The following PDZD2 variants were observed in gnomAD, a reference collection of about 807,000 sequenced individuals.
The protein encoded by PDZD2 is PDZ domain containing 2.
Under a neutral mutation model 220.7 loss-of-function variants are expected in PDZD2, and 90 were observed. That is an observed-to-expected ratio of 0.41 (90% CI 0.34 to 0.49). PDZD2 has a LOEUF of 0.49. Ranked by LOEUF, PDZD2 falls within the 20% of genes least tolerant of loss-of-function variation. The pLI is 0.28. For synonymous variants in PDZD2, 1,375 were observed against 1,450.5 expected, an observed-to-expected ratio of 0.95 and a Z score of 1.18; for missense variants, 3,174 against 3,608.5, an observed-to-expected ratio of 0.88 and a Z score of 3.08.
chr5:32,107,848 TTC>T (rs1482277845), intron 24 of PDZD2, 119 bp from the exon 25 acceptor site: 2 of 561,420 alleles, frequency 3.6e-6, no homozygotes, highest in Non-Finnish European at 6.0e-6. Flanking sequence ...TAAGAAATAT[TTC>T]TCTATTCAAT....
In PDZD2 at chr5:31,731,434, C is replaced by A. The variant is rs199545690; in HGVS notation, c.-360-67455C>A. Among the ~76,000 whole-genome samples the A allele has an allele frequency of 1.5e-4, 23 of 152,280 alleles. No individual in the cohort carries two copies. In the East Asian group the frequency reaches 2.7e-3, roughly 18 times the overall value. Reference sequence around the variant, plus strand: ...CTGTGTAATTCCAAAACATTTTCATCATCCCTCAAAAGAGACCCTGTATCC... The same window carrying A: ...CTGTGTAATTCCAAAACATTTTCATAATCCCTCAAAAGAGACCCTGTATCC... On this transcript the variant is annotated intron_variant, in intron 1 of 24. Coordinates refer to ENST00000438447, the MANE Select transcript of PDZD2 (RefSeq NM_178140.4).
intron 2 of PDZD2, among the ~76,000 whole-genome samples, chr5:31,978,673 C>T (rs945799945): frequency 1.4e-5 from 2 of 147,672 alleles, no homozygotes; most frequent in Admixed American, 1.4e-4. Context: ...CAAGATTGCA[C>T]CGCTGCCCTC....
At chr5:32,107,792 T>C (rs1400812004) in intron 24 of PDZD2, among the ~76,000 whole-genome samples, 177 bp from the exon 25 acceptor site, 4 of 152,246 alleles carry the variant, frequency 2.6e-5, no homozygotes, top group African/African-American at 9.6e-5. Context: ...GTTGCACTGT[T>C]TTCTGTAGAC....
intron 5 of PDZD2, among the ~76,000 whole-genome samples, chr5:32,001,757 C>T (rs926259550): frequency 3.3e-5 from 5 of 152,114 alleles, no homozygotes; most frequent in African/African-American, 1.2e-4. Context: ...AGCTGTGAGC[C>T]GATGTGCTGT....
At chr5:31,960,647 G>A (rs971834929) in intron 2 of PDZD2, among the ~76,000 whole-genome samples, 3 of 152,006 alleles carry the variant, frequency 2.0e-5, no homozygotes, top group African/African-American at 4.8e-5. Flanking sequence ...GCTGGACCAC[G>A]AACCACTGCC....
At chr5:32,086,663 T>TTTGTTGTTGTTG (rs57422179) in intron 19 of PDZD2, among the ~76,000 whole-genome samples, 3,796 of 150,576 alleles carry the variant, frequency 0.025, 68 homozygotes, top group Non-Finnish European at 0.042. Context: ...AGAACGCCGT[T>TTTGTTGTTGTTG]TTGTTGTTGT....
At chr5:31,697,865 A>G (rs4867373) in intron 1 of PDZD2, among the ~76,000 whole-genome samples, 68,804 of 151,208 alleles carry the variant, frequency 0.46, 16,290 homozygotes, top group East Asian at 0.63. Flanking sequence ...GCAAGTCTCT[A>G]CCTCCTTCCT....
chr5:31,716,669 G>C (rs1273131676), intron 1 of PDZD2, among the ~76,000 whole-genome samples: 4 of 152,178 alleles, frequency 2.6e-5, no homozygotes, highest in African/African-American at 4.8e-5. Context: ...CGGGTGTGGT[G>C]GTGGGCACCT....
intron 1 of PDZD2, among the ~76,000 whole-genome samples, chr5:31,672,201 G>A (rs1467135856): frequency 6.6e-6 from 1 of 152,174 alleles, no homozygotes; most frequent in East Asian, 1.9e-4. Context: ...TCTCAGACTT[G>A]AATGTATGTA....
At chr5:31,988,365 T>A (rs1329514263) in intron 3 of PDZD2, among the ~76,000 whole-genome samples, 1 of 150,634 alleles carries the variant, frequency 6.6e-6, no homozygotes, top group Admixed American at 6.7e-5. Flanking sequence ...TAATAAAGAA[T>A]ACAGATGAAG....
intron 3 of PDZD2, among the ~76,000 whole-genome samples, chr5:31,990,270 C>T (rs902498833): frequency 1.2e-4 from 19 of 152,128 alleles, no homozygotes; most frequent in African/African-American, 4.6e-4. Context: ...ATGTACCGCT[C>T]CTGTTTTGGT....
intron 1 of PDZD2, among the ~76,000 whole-genome samples, chr5:31,757,954 CTT>C: frequency 6.6e-6 from 1 of 152,320 alleles, no homozygotes; most frequent in Middle Eastern, 3.4e-3. Context: ...TGAATTAACT[CTT>C]GTTTTTATTG....
At chr5:31,791,421 C>T (rs1432952470) in intron 1 of PDZD2, among the ~76,000 whole-genome samples, 2 of 151,598 alleles carry the variant, frequency 1.3e-5, no homozygotes, top group Non-Finnish European at 2.9e-5. Flanking sequence ...AGAAACCCCG[C>T]CTCTACTAAA....
intron 7 of PDZD2, among the ~76,000 whole-genome samples, chr5:32,042,585 A>G (rs561400722): frequency 2.0e-5 from 3 of 152,234 alleles, no homozygotes; most frequent in East Asian, 3.9e-4. Flanking sequence ...AAGAAAAAGA[A>G]AAAAAAGAAT....
At chr5:31,833,467 CAAAAAAAAAAGAAAAA>C (rs1554081001) in intron 2 of PDZD2, among the ~76,000 whole-genome samples, 1 of 149,048 alleles carries the variant, frequency 6.7e-6, no homozygotes, top group African/African-American at 2.4e-5. Context: ...GACCCTGTCT[CAAAAAAAAAAGAAAAA>C]AAAAAAAAAA....
At chr5:31,777,221 C>T (rs1185669724) in intron 1 of PDZD2, among the ~76,000 whole-genome samples, 3 of 152,128 alleles carry the variant, frequency 2.0e-5, no homozygotes, top group South Asian at 2.1e-4. Flanking sequence ...CCACTGGCCC[C>T]GGGCAGTGAG....
intron 14 of PDZD2, 93 bp downstream of exon 14, chr5:32,061,227 G>A (rs1166492403): frequency 7.8e-7 from 1 of 1,274,956 alleles, no homozygotes; most frequent in Non-Finnish European, 1.1e-6. Context: ...CCCAGCTGGG[G>A]ATAGGCAGGC....
intron 1 of PDZD2, among the ~76,000 whole-genome samples, chr5:31,708,577 T>C (rs1747935186): frequency 6.6e-6 from 1 of 152,220 alleles, no homozygotes; most frequent in Admixed American, 6.5e-5. Flanking sequence ...TAAGAGGAAA[T>C]GCTATTTCTG....
At chr5:32,030,108 G>A (rs1755004527) in intron 6 of PDZD2, among the ~76,000 whole-genome samples, 2 of 152,212 alleles carry the variant, frequency 1.3e-5, no homozygotes, top group Non-Finnish European at 2.9e-5. Context: ...GTGCTGCATT[G>A]GGTGTAGATG....
Sources: allele counts gnomAD v4.1 joint callset (sites outside exome capture counted in the v4.1 genomes callset), GRCh38; gene constraint gnomAD v4.1.1; transcripts MANE v1.5; gene names NCBI Gene and HGNC (gene_info 2026-07-23, HGNC 2026-07-21).